Variants in RCSD1 observed in about 807,000 individuals in gnomAD.
RCSD1 encodes the protein capZ-interacting protein.
A neutral mutation model predicts 42.5 loss-of-function variants in RCSD1; 26 were observed. The observed-to-expected ratio is 0.61, with a 90% confidence interval of 0.45 to 0.85. The LOEUF is 0.85. RCSD1 is among the 40% of genes least tolerant of loss of function. RCSD1 has a pLI of 0.00. For missense variants in RCSD1, 571 were observed against 528.3 expected, an observed-to-expected ratio of 1.08 and a Z score of -0.79; for synonymous variants, 220 against 212.2, an observed-to-expected ratio of 1.04 and a Z score of -0.32.
intron 6 of RCSD1, among the ~76,000 whole-genome samples, chr1:167,701,251 A>ACTTTCTTTCTTT (rs1558096006): frequency 8.5e-6 from 1 of 117,682 alleles, no homozygotes; most frequent in African/African-American, 3.0e-5. Context: ...CCAATTGCCT[A>ACTTTCTTTCTTT]GTTTCTTTCT....
intron 4 of RCSD1, among the ~76,000 whole-genome samples, chr1:167,690,616 T>C (rs1328188525): frequency 6.6e-4 from 101 of 152,134 alleles, no homozygotes; most frequent in Non-Finnish European, 8.8e-5. Flanking sequence ...TGAGACTGTA[T>C]TGAGCTGAGG....
chr1:167,701,853 C>T (rs868817664), intron 6 of RCSD1, among the ~76,000 whole-genome samples: 5 of 152,298 alleles, frequency 3.3e-5, no homozygotes, highest in Middle Eastern at 3.4e-3. Context: ...GCAAAAGGAA[C>T]CATCAGTAAG....
chr1:167,659,792 C>CA lies in RCSD1; in HGVS notation c.7-24108_7-24107insA, dbSNP rs575345041. 2.2e-3 allele frequency among the ~76,000 whole-genome samples: 333 copies of CA among 152,274 alleles called. 2 individuals are homozygous for CA. The highest frequency in any genetic ancestry group is 7.7e-3 in the African/African-American group (321 of 41,544). Reference sequence around the variant, plus strand: ...TTCCTTCCATTTTCTCAGCTCTCTTCTATATTTTGCCCTTCTCTCTGGTGG... The same window carrying CA: ...TTCCTTCCATTTTCTCAGCTCTCTTCATATATTTTGCCCTTCTCTCTGGTGG... On this transcript the variant is annotated intron_variant, in intron 1 of 6. Coordinates refer to ENST00000367854, the MANE Select transcript of RCSD1 (RefSeq NM_052862.4).
intron 6 of RCSD1, among the ~76,000 whole-genome samples, chr1:167,698,103 T>C (rs1199983373): frequency 6.6e-6 from 1 of 152,128 alleles, no homozygotes; most frequent in Non-Finnish European, 1.5e-5. Flanking sequence ...TCTGGGTGTG[T>C]GTGAGTGACC....
chr1:167,704,352 T>A (rs1015635534), intron 6 of RCSD1, among the ~76,000 whole-genome samples: 1 of 152,124 alleles, frequency 6.6e-6, no homozygotes, highest in Admixed American at 6.5e-5. Flanking sequence ...CAAGCTCTGA[T>A]CCCTGGGTTA....
chr1:167,692,044 C>T (rs1659390290), intron 4 of RCSD1, among the ~76,000 whole-genome samples: 1 of 152,162 alleles, frequency 6.6e-6, no homozygotes, highest in East Asian at 1.9e-4. Context: ...TAGTTTTGGA[C>T]CCATTCCTTT....
intron 1 of RCSD1, among the ~76,000 whole-genome samples, chr1:167,634,825 T>A (rs1657794619): frequency 6.6e-6 from 1 of 152,186 alleles, no homozygotes; most frequent in Admixed American, 6.5e-5. Context: ...ATGGACCTAC[T>A]CAGTATTTAT....
intron 1 of RCSD1, among the ~76,000 whole-genome samples, chr1:167,661,143 T>C (rs1211995986): frequency 6.6e-6 from 1 of 152,230 alleles, no homozygotes; most frequent in Non-Finnish European, 1.5e-5. Context: ...AAATAAACAT[T>C]GGTTTATAAG....
chr1:167,682,171 C>G (rs190376493), intron 1 of RCSD1, among the ~76,000 whole-genome samples: 1 of 146,296 alleles, frequency 6.8e-6, no homozygotes, highest in South Asian at 2.1e-4. Context: ...CTAAACGAAG[C>G]CTTTTTTTTT....
intron 1 of RCSD1, among the ~76,000 whole-genome samples, chr1:167,643,636 GA>G (rs1658060347): frequency 6.6e-6 from 1 of 152,070 alleles, no homozygotes; most frequent in Admixed American, 6.6e-5. Context: ...AGCACACACA[GA>G]GAGCCATATG....
chr1:167,661,524 C>G (rs1297626110), intron 1 of RCSD1, among the ~76,000 whole-genome samples: 1 of 152,220 alleles, frequency 6.6e-6, no homozygotes, highest in Non-Finnish European at 1.5e-5. Flanking sequence ...TTTTGCAATC[C>G]TGGATCCTCT....
chr1:167,691,423 G>A (rs147495428), intron 4 of RCSD1, among the ~76,000 whole-genome samples: 8 of 152,356 alleles, frequency 5.3e-5, no homozygotes, highest in East Asian at 1.9e-4. Flanking sequence ...GATGTTCCCC[G>A]TGGGGGAATG....
chr1:167,677,641 T>C (rs188281909), intron 1 of RCSD1, among the ~76,000 whole-genome samples: 2 of 152,180 alleles, frequency 1.3e-5, no homozygotes, highest in Admixed American at 1.3e-4. Context: ...ATGTGAGAGA[T>C]GAGTAGAGGA....
rs1558094482 is a variant in RCSD1 at position 167,697,666 on chromosome 1, A to T, written c.1042A>T (p.Thr348Ser). ...GGAGGAGGGAGCTGCAGTGAAGGAG[A>T]CCCCCCACAGTCCCCCTGGAGGAGT... is the stretch of plus-strand genomic sequence containing the variant. ...KLEEGAAVKE[T>S]PHSPPGGVKG... is the part of the protein sequence containing the mutation. Residue 348 changes from threonine (T) to serine (S), a missense_variant, in exon 6 of 7, where the codon ACC (threonine) becomes TCC (serine). Coordinates refer to ENST00000367854, the MANE Select transcript of RCSD1 (RefSeq NM_052862.4). 1.2e-6 allele frequency: 2 copies of T among 1,603,996 alleles called. No homozygotes were observed.
intron 1 of RCSD1, among the ~76,000 whole-genome samples, chr1:167,645,160 C>G (rs960019520): frequency 1.3e-5 from 2 of 152,142 alleles, no homozygotes; most frequent in African/African-American, 4.8e-5. Flanking sequence ...GTGACATATT[C>G]AAGTTCAAAA....
chr1:167,632,824 C>T (rs1472910261), intron 1 of RCSD1, among the ~76,000 whole-genome samples: 2 of 152,090 alleles, frequency 1.3e-5, no homozygotes, highest in African/African-American at 4.8e-5. Context: ...CAACATGCAA[C>T]TGCTAGTGAA....
At chr1:167,683,689 C>G (rs1176528391) in intron 1 of RCSD1, among the ~76,000 whole-genome samples, 1 of 152,130 alleles carries the variant, frequency 6.6e-6, no homozygotes, top group Non-Finnish European at 1.5e-5. Context: ...TCCAGGTCCC[C>G]AAAGCCACAC....
intron 1 of RCSD1, among the ~76,000 whole-genome samples, chr1:167,660,541 A>G (rs1658518924): frequency 6.6e-6 from 1 of 151,928 alleles, no homozygotes; most frequent in South Asian, 2.1e-4. Context: ...AGCTCTCTGA[A>G]GCCTTGAAGT....
chr1:167,702,467 C>T (rs905495298), intron 6 of RCSD1, among the ~76,000 whole-genome samples: 1 of 152,214 alleles, frequency 6.6e-6, no homozygotes, highest in African/African-American at 2.4e-5. Context: ...AGATACAACT[C>T]TAATACTTAA....
Sources: gnomAD v4.1 joint callset for allele counts (sites outside exome capture counted in the v4.1 genomes callset) on GRCh38, gnomAD v4.1.1 for gene constraint, MANE v1.5 for transcripts, NCBI Gene and HGNC (gene_info 2026-07-23, HGNC 2026-07-21) for gene names.